AGTPBP1: variants seen among roughly 807,000 people sequenced by gnomAD.
The protein encoded by AGTPBP1 is cytosolic carboxypeptidase 1.
AGTPBP1 carries 70 observed loss-of-function variants against 143.9 expected under a neutral mutation model. The observed-to-expected ratio is 0.49, with a 90% CI of 0.40 to 0.59. AGTPBP1 has a LOEUF of 0.59. Ranked by LOEUF, AGTPBP1 falls within the 20% of genes least tolerant of loss-of-function variation. The pLI is 0.00. For synonymous variants in AGTPBP1, 463 were observed against 500.2 expected, an observed-to-expected ratio of 0.93 and a Z score of 0.99; for missense variants, 1,229 against 1,464.5, an observed-to-expected ratio of 0.84 and a Z score of 2.62.
At chr9:85,689,651 G>A (rs115225552) in intron 3 of AGTPBP1, among the ~76,000 whole-genome samples, 2,655 of 151,794 alleles carry the variant, frequency 0.017, 84 homozygotes, top group African/African-American at 0.061. Context: ...TCCCAGCACT[G>A]TGGGAGGCCG....
chr9:85,768,636 G>T, the AGTPBP1 span, among the ~76,000 whole-genome samples: 1 of 152,106 alleles, frequency 6.6e-6, no homozygotes, highest in Non-Finnish European at 1.5e-5. Context: ...TCTTGTAAAG[G>T]TGAATATTAT....
At chr9:85,743,401 C>T (rs1054740185), upstream of AGTPBP1, among the ~76,000 whole-genome samples, 18 of 152,132 alleles carry the variant, frequency 1.2e-4, no homozygotes, top group African/African-American at 4.3e-4. Context: ...CATTACATAG[C>T]TTTGAAATGA....
chr9:85,655,634 A>C (rs1833451174), intron 10 of AGTPBP1, among the ~76,000 whole-genome samples: 5 of 151,824 alleles, frequency 3.3e-5, no homozygotes, highest in Admixed American at 3.3e-4. Flanking sequence ...AAGATAATTT[A>C]AGGGAAAAGG....
upstream of AGTPBP1, among the ~76,000 whole-genome samples, chr9:85,745,844 A>G (rs544780504): frequency 5.3e-5 from 8 of 152,318 alleles, no homozygotes; most frequent in Non-Finnish European, 1.2e-4. Context: ...AGCCTTTGGT[A>G]AGGCTTTTCT....
At chr9:85,594,808 A>G (rs956500936) in intron 18 of AGTPBP1, among the ~76,000 whole-genome samples, 4 of 152,228 alleles carry the variant, frequency 2.6e-5, no homozygotes, top group African/African-American at 4.8e-5. Flanking sequence ...TTGTCCTGCT[A>G]TGATCATTCA....
chr9:85,642,335 C>T (rs1056762614), intron 13 of AGTPBP1, among the ~76,000 whole-genome samples: 6 of 151,860 alleles, frequency 4.0e-5, no homozygotes, highest in Admixed American at 1.3e-4. Flanking sequence ...TCCATCTCCC[C>T]TCTTTTTTTT....
rs142596846 is a variant in AGTPBP1, at chr9:85,720,822, C to T, written c.-33-8256G>A. On this transcript the variant is annotated intron_variant, in intron 1 of 25. Coordinates refer to ENST00000357081, the MANE Select transcript of AGTPBP1 (RefSeq NM_001330701.2). ...ATTTAGTGTTGTAAATTTTTCTCTA[C>T]ACACTGCTTTAAATGTGTCCCAGAG... is the stretch of plus-strand genomic sequence containing the variant. 7.2e-5 allele frequency among the ~76,000 whole-genome samples: 11 copies of T among 152,234 alleles called. No homozygotes were observed. The East Asian group carries it at 2.1e-3, about 29-fold the overall frequency.
upstream of AGTPBP1, among the ~76,000 whole-genome samples, chr9:85,744,586 G>A (rs983669742): frequency 2.0e-5 from 3 of 152,202 alleles, no homozygotes; most frequent in Non-Finnish European, 2.9e-5. Context: ...GAAGGATCCT[G>A]AAAGCAGGTT....
intron 14 of AGTPBP1, among the ~76,000 whole-genome samples, chr9:85,628,417 C>A (rs1172674235): frequency 6.6e-6 from 1 of 152,160 alleles, no homozygotes; most frequent in Admixed American, 6.5e-5. Context: ...ACAAATCAGT[C>A]AAACTTGGTA....
chr9:85,644,373 A>C (rs1832684667), intron 12 of AGTPBP1, among the ~76,000 whole-genome samples: 1 of 151,718 alleles, frequency 6.6e-6, no homozygotes, highest in South Asian at 2.1e-4. Context: ...TAAACATACT[A>C]GTTCAATATT....
the AGTPBP1 span, chr9:85,786,664 C>T: frequency 7.4e-7 from 1 of 1,347,374 alleles, no homozygotes; most frequent in East Asian, 2.4e-5. Context: ...AGTTCACTAC[C>T]TCTTTCCTCA....
At chr9:85,697,300 C>A (rs1040463560) in intron 2 of AGTPBP1, among the ~76,000 whole-genome samples, 6 of 151,906 alleles carry the variant, frequency 3.9e-5, no homozygotes, top group Admixed American at 2.6e-4. Flanking sequence ...ATAAAATATG[C>A]CACTCTTCCT....
intron 11 of AGTPBP1, among the ~76,000 whole-genome samples, chr9:85,652,621 C>T (rs1833238720): frequency 6.6e-6 from 1 of 152,190 alleles, no homozygotes; most frequent in South Asian, 2.1e-4. Flanking sequence ...CACCCCTTCT[C>T]TTATACCTGG....
At chr9:85,656,632 C>G (rs553795082) in intron 10 of AGTPBP1, among the ~76,000 whole-genome samples, 1 of 152,048 alleles carries the variant, frequency 6.6e-6, no homozygotes, top group African/African-American at 2.4e-5. Context: ...GGTTGCATTG[C>G]AACATCCTCA....
chr9:85,712,741 T>A (rs1192894589), intron 1 of AGTPBP1, among the ~76,000 whole-genome samples, 175 bp from the exon 2 acceptor site: 2 of 152,202 alleles, frequency 1.3e-5, no homozygotes, highest in Non-Finnish European at 2.9e-5. Flanking sequence ...CAGAATGCAA[T>A]GTATGACTAT....
rs1588019313 is a variant in AGTPBP1 at position 85,741,888 on chromosome 9, G to A, written c.-147C>T. The stretch of plus-strand genomic sequence containing the variant: ...CGCCCGGTGTTTTCATACAAACCCC[G>A]GTGGCAGGCGAGGCGGAGGCGGCGG... On this transcript the variant is annotated 5_prime_UTR_variant, in exon 1 of 26. Coordinates refer to ENST00000357081, the MANE Select transcript of AGTPBP1 (RefSeq NM_001330701.2). 7.3e-7 allele frequency: 1 copy of A among 1,371,840 alleles called. No homozygotes were observed. Among genetic ancestry groups the A allele is most frequent in the Admixed American group, 3.3e-5 (1 of 30,726 alleles). The allele number at this position is 1,371,840 out of a possible 1,614,324, so 85.0% of individuals were successfully genotyped here.
In AGTPBP1 at chr9:85,594,944, A is replaced by C. The variant is rs540140347; in HGVS notation, c.2423+1418T>G. Among the ~76,000 whole-genome samples, 21 of 152,328 alleles carry C rather than the reference A, an allele frequency of 1.4e-4. No individual in the cohort carries two copies. In the South Asian group the frequency reaches 4.1e-3, roughly 30 times the overall value. On this transcript the variant is annotated intron_variant, in intron 18 of 25. Coordinates refer to ENST00000357081, the MANE Select transcript of AGTPBP1 (RefSeq NM_001330701.2). ...CTTTAAAAGTCTAAATAATTCTAAA[A>C]TCTAGCCAAGCACTGCTCAGATAGT...
At chr9:85,559,463 T>A (rs116709038) in intron 25 of AGTPBP1, among the ~76,000 whole-genome samples, 1,776 of 151,524 alleles carry the variant, frequency 0.012, 37 homozygotes, top group African/African-American at 0.041. Context: ...TTTTTTTTTT[T>A]AAGGATAAAT....
chr9:85,750,759 T>C, the AGTPBP1 span, among the ~76,000 whole-genome samples: 1 of 152,206 alleles, frequency 6.6e-6, no homozygotes, highest in Non-Finnish European at 1.5e-5. Flanking sequence ...CCCTGGCTGG[T>C]ATAACTTGCA....
Sources: allele counts gnomAD v4.1 joint callset (sites outside exome capture counted in the v4.1 genomes callset), GRCh38; gene constraint gnomAD v4.1.1; transcripts MANE v1.5; gene names NCBI Gene and HGNC (gene_info 2026-07-23, HGNC 2026-07-21).